PRKCB: variants seen among roughly 807,000 people sequenced by gnomAD.
The protein encoded by PRKCB is protein kinase C beta.
PRKCB carries 13 observed loss-of-function variants against 81.5 expected under a neutral mutation model. The ratio of observed to expected loss-of-function variants is 0.16; its 90% CI spans 0.10 to 0.25. The LOEUF is 0.25. PRKCB is among the 10% of genes least tolerant of loss of function. The pLI, the probability that PRKCB is intolerant of heterozygous loss-of-function variation, is 1.00. For synonymous variants in PRKCB, 335 were observed against 321.4 expected, an observed-to-expected ratio of 1.04 and a Z score of -0.45; for missense variants, 509 against 875.7, an observed-to-expected ratio of 0.58 and a Z score of 5.29.
At chr16:24,082,824 C>A (rs1453993799) in intron 5 of PRKCB, among the ~76,000 whole-genome samples, 2 of 144,304 alleles carry the variant, frequency 1.4e-5, no homozygotes, top group Admixed American at 6.9e-5. Context: ...AAAAACGTGA[C>A]CCATAAAAGA....
rs565864055 is a variant in PRKCB, at chr16:24,037,323, C to T, written c.529+1776C>T. Among the ~76,000 whole-genome samples, 217 of 152,230 alleles carry T rather than the reference C, an allele frequency of 1.4e-3. 2 individuals carry two copies. The highest frequency in any genetic ancestry group is 4.4e-3 in the African/African-American group (184 of 41,546). On this transcript the variant is annotated intron_variant, in intron 5 of 16. Transcript: ENST00000643927. The stretch of plus-strand genomic sequence containing the variant: ...TCTTGTTTTATGAACAAAGAAGCCA[C>T]GGCTCAGAGAAGTTATATTCCAAGA...
At chr16:24,187,272 C>G (rs1246432981) in intron 15 of PRKCB, among the ~76,000 whole-genome samples, 1 of 152,222 alleles carries the variant, frequency 6.6e-6, no homozygotes, top group Non-Finnish European at 1.5e-5. Context: ...GGAGCTTGCC[C>G]TCTGTAATTC....
chr16:23,933,017 G>A (rs1963999614), intron 2 of PRKCB, among the ~76,000 whole-genome samples: 1 of 152,330 alleles, frequency 6.6e-6, no homozygotes, highest in South Asian at 2.1e-4. Context: ...AAGTGAGAAT[G>A]AATGCTGTAG....
At position 24,154,699 on chromosome 16, in the gene PRKCB, C is replaced by T; in HGVS notation, c.1081C>T (p.Arg361Ter). The change falls in exon 10 of 17, where the codon CGA (arginine) becomes TGA (stop). Residue 361 changes from arginine to a stop codon, truncating the protein, a stop_gained. Transcript: ENST00000643927. LOFTEE classifies it high-confidence loss of function. ...GSFGKVMLSERKGTDELYAVK... is the reference protein window; with the variant it reads ...GSFGKVMLSE ...TCTTTCCCAGGTCATGCTTTCAGAA[C>T]GAAAAGGCACAGATGAGCTCTATGC... 2 of 1,614,082 alleles carry T rather than the reference C, an allele frequency of 1.2e-6. No homozygotes were observed. Among genetic ancestry groups the T allele is most frequent in the Non-Finnish European group, 1.7e-6 (2 of 1,179,940 alleles).
intron 2 of PRKCB, among the ~76,000 whole-genome samples, chr16:23,949,377 G>A (rs7205072): frequency 0.023 from 3,569 of 152,248 alleles, 142 homozygotes; most frequent in African/African-American, 0.081. Flanking sequence ...AGCAGTGCTT[G>A]GTTCTATTAA....
At chr16:23,925,516 A>C (rs192215399) in intron 2 of PRKCB, among the ~76,000 whole-genome samples, 15 of 152,226 alleles carry the variant, frequency 9.9e-5, no homozygotes, top group Admixed American at 7.9e-4. Context: ...TGGGGATCCA[A>C]GGACTCCATT....
intron 2 of PRKCB, among the ~76,000 whole-genome samples, chr16:23,863,887 G>T (rs1962727116): frequency 6.6e-6 from 1 of 152,162 alleles, no homozygotes; most frequent in Non-Finnish European, 1.5e-5. Context: ...TTAAAAGAGA[G>T]GAAGTTCAGA....
intron 2 of PRKCB, among the ~76,000 whole-genome samples, chr16:23,909,185 G>A (rs1963613456): frequency 6.6e-6 from 1 of 152,138 alleles, no homozygotes; most frequent in Admixed American, 6.5e-5. Flanking sequence ...GTTTTTAATG[G>A]GCACAAATTA....
At chr16:24,183,968 A>C (rs529895408) in intron 13 of PRKCB, among the ~76,000 whole-genome samples, 1 of 152,342 alleles carries the variant, frequency 6.6e-6, no homozygotes, top group Admixed American at 6.5e-5. Context: ...CACCAATTCT[A>C]CATCTAGGAG....
At position 23,892,030 on chromosome 16, in the gene PRKCB, G is replaced by A. The variant is rs1329991974; in HGVS notation, c.205+54624G>A. Among the ~76,000 whole-genome samples the A allele has an allele frequency of 2.6e-5, 4 of 152,170 alleles. No individual in the cohort carries two copies. The East Asian group carries it at 5.8e-4, about 22-fold the overall frequency. ...GAGCTGTATCACCAACAGCTTTCAAGTGTGTGCAAATTGGGAGACGGCTGG... is the reference window on the plus strand; with the variant it reads ...GAGCTGTATCACCAACAGCTTTCAAATGTGTGCAAATTGGGAGACGGCTGG... On this transcript the variant is annotated intron_variant, in intron 2 of 16. Transcript: ENST00000643927.
At chr16:23,841,182 C>T (rs987111358) in intron 2 of PRKCB, among the ~76,000 whole-genome samples, 4 of 151,954 alleles carry the variant, frequency 2.6e-5, no homozygotes, top group Admixed American at 1.3e-4. Flanking sequence ...GGGGCTCAAG[C>T]GATTCTTCTG....
chr16:23,936,101 C>T (rs1227589367), intron 2 of PRKCB, among the ~76,000 whole-genome samples: 1 of 152,130 alleles, frequency 6.6e-6, no homozygotes, highest in Non-Finnish European at 1.5e-5. Context: ...CATTTCCCAC[C>T]CCCTTCTCTG....
rs80124578 is a variant in PRKCB, at chr16:23,928,485, G to C, written c.206-60023G>C. 5.5e-3 allele frequency among the ~76,000 whole-genome samples: 833 copies of C among 152,198 alleles called. 14 individuals are homozygous for C. Among genetic ancestry groups the C allele is most frequent in the Non-Finnish European group, 8.1e-3 (549 of 67,976 alleles). ...GGCACTCTGGTATGCATGCAGTCGG[G>C]GACCCTCTGATGAATGGAACTCAGG... On this transcript the variant is annotated intron_variant, in intron 2 of 16. Transcript: ENST00000643927.
chr16:23,839,062 G>A (rs939311358), intron 2 of PRKCB, among the ~76,000 whole-genome samples: 2 of 152,138 alleles, frequency 1.3e-5, no homozygotes, highest in African/African-American at 2.4e-5. Context: ...GATCGGGGGC[G>A]ATTTTTAAAC....
chr16:23,841,504 T>A (rs1962262831), intron 2 of PRKCB, among the ~76,000 whole-genome samples: 1 of 152,078 alleles, frequency 6.6e-6, no homozygotes, highest in African/African-American at 2.4e-5. Context: ...ATTTTGTTTT[T>A]AGAGACAGGG....
chr16:23,957,278 T>A (rs1384942678), intron 2 of PRKCB, among the ~76,000 whole-genome samples: 1 of 152,108 alleles, frequency 6.6e-6, no homozygotes, highest in Non-Finnish European at 1.5e-5. Flanking sequence ...GTTCAAGGAT[T>A]GAGATTCTGC....
intron 9 of PRKCB, among the ~76,000 whole-genome samples, chr16:24,132,759 T>G (rs1169595329): frequency 2.0e-5 from 3 of 147,210 alleles, no homozygotes; most frequent in Admixed American, 6.9e-5. Flanking sequence ...TTTAGATGTG[T>G]ATGATTTGGG....
At position 23,911,588 on chromosome 16, in the gene PRKCB, G is replaced by T. The variant is rs562477648; in HGVS notation, c.205+74182G>T. 2.0e-5 allele frequency among the ~76,000 whole-genome samples: 3 copies of T among 152,218 alleles called. No homozygotes were observed. In the South Asian group the frequency reaches 6.2e-4, roughly 32 times the overall value. On this transcript the variant is annotated intron_variant, in intron 2 of 16. Transcript: ENST00000643927. ...TTTAAAGAAAACTATTAATCATATTGCAGATGGTGTGTGGACATGACAAAC... is the reference window on the plus strand; with the variant it reads ...TTTAAAGAAAACTATTAATCATATTTCAGATGGTGTGTGGACATGACAAAC...
At position 24,119,697 on chromosome 16, in the gene PRKCB, G is replaced by A. The variant is rs369234933; in HGVS notation, c.919-4138G>A. On this transcript the variant is annotated intron_variant, in intron 8 of 16. Transcript: ENST00000643927. ...GGACATAGCCCGAGAAAGGTGAGAC[G>A]GCTTCTGTCCTACCCTGGCTCTTTT... Among the ~76,000 whole-genome samples the A allele has an allele frequency of 5.3e-5, 8 of 152,008 alleles. 1 individual carries two copies. The highest frequency in any genetic ancestry group is 3.9e-4 in the Admixed American group (6 of 15,252).
Sources: allele counts gnomAD v4.1 joint callset (sites outside exome capture counted in the v4.1 genomes callset), GRCh38; gene constraint gnomAD v4.1.1; transcripts MANE v1.5; gene names NCBI Gene and HGNC (gene_info 2026-07-23, HGNC 2026-07-21).